The following SENP3 variants were observed in gnomAD, a reference collection of about 807,000 sequenced individuals.
The protein encoded by SENP3 is SUMO specific peptidase 3, also known as sentrin-specific protease 3.
Under a neutral mutation model 66.2 loss-of-function variants are expected in SENP3, and 11 were observed. The ratio of observed to expected loss-of-function variants is 0.17; its 90% CI spans 0.10 to 0.28. SENP3 has a LOEUF of 0.28. Among genes scored for constraint, SENP3 ranks in the 10% least tolerant of loss-of-function variants. The pLI, the probability that SENP3 is intolerant of heterozygous loss-of-function variation, is 1.00. For missense variants in SENP3, 548 were observed against 743.7 expected, an observed-to-expected ratio of 0.74 and a Z score of 3.06; for synonymous variants, 292 against 277.6, an observed-to-expected ratio of 1.05 and a Z score of -0.52.
rs2071228615 is a variant in SENP3 at position 7,562,683 on chromosome 17, C to T, written c.-11-383C>T. 1.3e-5 allele frequency among the ~76,000 whole-genome samples: 2 copies of T among 152,322 alleles called. No homozygotes were observed. The highest frequency in any genetic ancestry group is 4.1e-4 in the South Asian group (2 of 4,826). ...GTTTCCACGTGCAAGTTGCATTCTC[C>T]TCAAGTACCACGGTTATCATGTCCC... is the stretch of plus-strand genomic sequence containing the variant. On this transcript the variant is annotated intron_variant, in intron 1 of 10. Transcript: ENST00000321337. The surrounding 1 kb of genome is among the most constrained non-coding windows in gnomAD (Gnocchi z 5.0).
intron 2 of SENP3, 38 bp from the exon 3 acceptor site, chr17:7,564,587 C>G (rs764313308): frequency 1.2e-6 from 2 of 1,611,310 alleles, no homozygotes; most frequent in Admixed American, 3.4e-5. Context: ...TTCCCCAGGC[C>G]AGTCTCTCAT....
chr17:7,570,267 T>C lies in SENP3; in HGVS notation c.1342-89T>C, dbSNP rs2071302353. On this transcript the variant is annotated intron_variant, in intron 7 of 10. Coordinates refer to ENST00000321337, the MANE Select transcript of SENP3 (RefSeq NM_015670.6). The surrounding 1 kb of genome is among the most constrained non-coding windows in gnomAD (Gnocchi z 5.4). ...CTTCTGTTCTTTCACTTGGTTCCCT[T>C]ACCTGTGTCTCTGTTCCTCTCTAGA... 1 of 1,497,394 alleles carries C rather than the reference T, an allele frequency of 6.7e-7. No homozygotes were observed. The allele number at this position is 1,497,394 out of a possible 1,614,324, so 92.8% of individuals were successfully genotyped here.
Position 7,564,944 on chromosome 17 carries a change from C to G in SENP3, c.956-15C>G. On this transcript the variant is annotated splice_polypyrimidine_tract_variant and intron_variant, in intron 3 of 10. Transcript: ENST00000321337. Reference sequence around the variant, plus strand: ...GTCTGGAGGCCTCACCCCCTCCTCTCTCCCTTTCCACCAGGCATCTTGGAC... The same window carrying G: ...GTCTGGAGGCCTCACCCCCTCCTCTGTCCCTTTCCACCAGGCATCTTGGAC... 1 of 1,611,886 alleles carries G rather than the reference C, an allele frequency of 6.2e-7. No homozygotes were observed. The highest frequency in any genetic ancestry group is 8.5e-7 in the Non-Finnish European group (1 of 1,178,112).
chr17:7,568,352 C>T (rs1044967508), intron 7 of SENP3, among the ~76,000 whole-genome samples: 7 of 152,224 alleles, frequency 4.6e-5, no homozygotes, highest in African/African-American at 1.7e-4. Flanking sequence ...ACTCCCGGCA[C>T]TTTGGGAGGC....
In SENP3 at chr17:7,564,641, T is replaced by G. The variant is rs748958749; in HGVS notation, c.732T>G (p.Thr244=). The G allele has an allele frequency of 6.2e-7, 1 of 1,614,046 alleles. No individual in the cohort carries two copies. The highest frequency in any genetic ancestry group is 1.1e-5 in the South Asian group (1 of 91,088). The change falls in exon 3 of 11, where the codon ACT becomes ACG. Residue 244 remains threonine (T), a synonymous_variant. Transcript: ENST00000321337. ...GCCCTATAGGCCTCCTTTCATGTAC[T>G]CTGCCCAACGGTTTTGGGGGACAAT... is the stretch of plus-strand genomic sequence containing the variant. ...LDPDSGLLSC[T]LPNGFGGQSG... is the part of the protein sequence containing the mutation.
intron 4 of SENP3, 37 bp downstream of exon 4, chr17:7,565,107 G>A: frequency 6.9e-7 from 1 of 1,440,706 alleles, no homozygotes; most frequent in Non-Finnish European, 9.7e-7. Flanking sequence ...GAAGGGCTGG[G>A]GCCTTGGGGA....
intron 7 of SENP3, among the ~76,000 whole-genome samples, chr17:7,568,943 T>C (rs2071289327): frequency 1.3e-5 from 2 of 152,228 alleles, no homozygotes; most frequent in South Asian, 4.1e-4. Flanking sequence ...TCCAGGTAGA[T>C]AGTGTTGGAA....
chr17:7,564,939 C>A lies in SENP3; in HGVS notation c.956-20C>A. 6.2e-7 allele frequency: 1 copy of A among 1,611,680 alleles called. No individual in the cohort carries two copies. The highest frequency in any genetic ancestry group is 8.5e-7 in the Non-Finnish European group (1 of 1,177,992). On this transcript the variant is annotated intron_variant, in intron 3 of 10. Coordinates refer to ENST00000321337, the MANE Select transcript of SENP3 (RefSeq NM_015670.6). ...GGAGAGTCTGGAGGCCTCACCCCCT[C>A]CTCTCTCCCTTTCCACCAGGCATCT...
chr17:7,564,522 CCTT>C lies in SENP3; in HGVS notation c.716-99_716-97del, dbSNP rs764642434. 10 of 1,494,074 alleles carry C rather than the reference CCTT, an allele frequency of 6.7e-6. No individual in the cohort carries two copies. The East Asian group carries it at 7.3e-5, about 11-fold the overall frequency. 92.6% of individuals were successfully genotyped at this position (1,494,074 alleles called of 1,614,324 possible). ...ATTGGTGGATTCTGCTTCAGTGTAT[CCTT>C]CTTGCGGTCTTATTTGCATGCATGA... On this transcript the variant is annotated intron_variant, in intron 2 of 10. Coordinates refer to ENST00000321337, the MANE Select transcript of SENP3 (RefSeq NM_015670.6).
rs762687551 is a variant in SENP3 at position 7,563,647 on chromosome 17, G to GGGCCACCTCCACCCCGGC, written c.572_589dup (p.Arg196_Leu197insArgProProProProArg). On this transcript the variant is annotated inframe_insertion, in exon 2 of 11. Transcript: ENST00000321337. ...CTGTTGTCGTTTTGACTCCCCCCGG[G>GGGCCACCTCCACCCCGGC]GGCCACCTCCACCCCGGCTGGGTCT... The GGGCCACCTCCACCCCGGC allele has an allele frequency of 1.9e-6, 3 of 1,609,590 alleles. No individual in the cohort carries two copies. The highest frequency in any genetic ancestry group is 1.1e-5 in the South Asian group (1 of 90,604).
At chr17:7,569,853 G>A (rs980387704) in intron 7 of SENP3, among the ~76,000 whole-genome samples, 1 of 152,210 alleles carries the variant, frequency 6.6e-6, no homozygotes, top group Non-Finnish European at 1.5e-5. Context: ...AGCATTAACT[G>A]CGTGTTTACT....
chr17:7,563,406 G>GGGGGGGCCC lies in SENP3; in HGVS notation c.330_331insGGGGGGCCC (p.Arg110_Pro111insGlyGlyPro). 1 of 1,547,578 alleles carries GGGGGGGCCC rather than the reference G, an allele frequency of 6.5e-7. No individual in the cohort carries two copies. The highest frequency in any genetic ancestry group is 8.7e-7 in the Non-Finnish European group (1 of 1,144,078). On this transcript the variant is annotated inframe_insertion, in exon 2 of 11. Transcript: ENST00000321337. ...GGAGTCAGCTGGGAACCTCCCAGCGGCCCCGCCCTTCCCGCCCCACTCATC... is the reference window on the plus strand; with the variant it reads ...GGAGTCAGCTGGGAACCTCCCAGCGGGGGGGGCCCCCCCGCCCTTCCCGCCCCACTCATC...
chr17:7,566,439 C>G (rs1333592077), intron 6 of SENP3, among the ~76,000 whole-genome samples: 2 of 151,508 alleles, frequency 1.3e-5, no homozygotes, highest in Admixed American at 6.6e-5. Flanking sequence ...GTGGATCACC[C>G]GAGGTCAGGA....
In SENP3 at chr17:7,562,016, T is replaced by TGGTGGCGGC. The variant is rs1054258792; in HGVS notation, c.-250_-242dup. ...GGAGTGGCGGCGGCGGCGGTGGCGCTGGTGGCGGCGGTGGCGGAGGTGGAG... is the reference window on the plus strand; with the variant it reads ...GGAGTGGCGGCGGCGGCGGTGGCGCTGGTGGCGGCGGTGGCGGCGGTGGCGGAGGTGGAG... On this transcript the variant is annotated 5_prime_UTR_variant, in exon 1 of 11. Transcript: ENST00000321337. This position sits in a 1 kb window ranked among gnomAD's most constrained non-coding sequence, Gnocchi z 5.0. 11 of 398,290 alleles carry TGGTGGCGGC rather than the reference T, an allele frequency of 2.8e-5. No homozygotes were observed. The highest frequency in any genetic ancestry group is 7.2e-5 in the East Asian group (2 of 27,858). 24.7% of individuals were successfully genotyped at this position (398,290 alleles called of 1,614,324 possible).
rs1440174224 is a variant in SENP3 at position 7,570,171 on chromosome 17, GA to G, written c.1342-184del. On this transcript the variant is annotated intron_variant, in intron 7 of 10. Coordinates refer to ENST00000321337, the MANE Select transcript of SENP3 (RefSeq NM_015670.6). This position sits in a 1 kb window ranked among gnomAD's most constrained non-coding sequence, Gnocchi z 5.4. ...CGTTCTGATGTCTCCTCCATTGTCT[GA>G]CCTTCCTCCCTTACCCCGAAGAACC... Among the ~76,000 whole-genome samples, 1 of 152,160 alleles carries G rather than the reference GA, an allele frequency of 6.6e-6. No homozygotes were observed. The highest frequency in any genetic ancestry group is 1.5e-5 in the Non-Finnish European group (1 of 68,036).
chr17:7,570,990 C>A lies in SENP3; in HGVS notation c.1614+57C>A. ...TCTGAAGTCAGTTGGGTTAAAGGGT[C>A]GGGAGGCTGTTATGCATCCCCTCAT... On this transcript the variant is annotated intron_variant, in intron 10 of 10. Transcript: ENST00000321337. This position sits in a 1 kb window ranked among gnomAD's most constrained non-coding sequence, Gnocchi z 5.4. 2 of 1,508,568 alleles carry A rather than the reference C, an allele frequency of 1.3e-6. No individual in the cohort carries two copies. The highest frequency in any genetic ancestry group is 2.3e-5 in the South Asian group (2 of 85,278). 93.4% of individuals were successfully genotyped at this position (1,508,568 alleles called of 1,614,324 possible). A position where few individuals can be genotyped will look rare whatever the true frequency, so the allele number is the denominator to read the frequency against.
At chr17:7,569,245 C>T (rs4624241) in intron 7 of SENP3, among the ~76,000 whole-genome samples, 1,796 of 151,778 alleles carry the variant, frequency 0.012, 127 homozygotes, top group Admixed American at 0.1. Context: ...ATTAGCCGGG[C>T]GAGGTGGCAC....
At chr17:7,563,813 GGGTTGC>G in intron 2 of SENP3, 22 bp downstream of exon 2, 4 of 1,541,708 alleles carry the variant, frequency 2.6e-6, no homozygotes, top group Non-Finnish European at 3.5e-6. Flanking sequence ...AAGGGGTGTG[GGGTTGC>G]GGGGGAGGGG....
intron 7 of SENP3, among the ~76,000 whole-genome samples, chr17:7,569,390 A>C (rs977047261): frequency 2.0e-5 from 3 of 151,998 alleles, no homozygotes; most frequent in Non-Finnish European, 2.9e-5. Context: ...GTCTCAAAAA[A>C]AAAAAAAAGA....
Sources: gnomAD v4.1 joint callset for allele counts (sites outside exome capture counted in the v4.1 genomes callset) on GRCh38, gnomAD v4.1.1 for gene constraint, Gnocchi (gnomAD v3.1) non-coding constraint, MANE v1.5 for transcripts, NCBI Gene and HGNC (gene_info 2026-07-23, HGNC 2026-07-21) for gene names.